Variants in SLC25A32 observed in about 807,000 individuals in gnomAD.
SLC25A32 encodes Glycine auxotroph B, complementation of hamster.
Under a neutral mutation model 39.0 loss-of-function variants are expected in SLC25A32, and 32 were observed. The observed-to-expected ratio is 0.82, with a 90% CI of 0.62 to 1.10. The LOEUF is 1.10. Among genes scored for constraint, SLC25A32 ranks in the 50% least tolerant of loss-of-function variants. SLC25A32 has a pLI of 0.00. For missense variants in SLC25A32, 367 were observed against 395.3 expected (o/e 0.93, Z 0.61); for synonymous variants, 166 against 152.4 (o/e 1.09, Z -0.66).
intron 1 of SLC25A32, among the ~76,000 whole-genome samples, chr8:103,410,622 G>A (rs575227902): frequency 7.3e-4 from 111 of 152,198 alleles, no homozygotes; most frequent in African/African-American, 2.6e-3. Flanking sequence ...GTGCCAAAAA[G>A]GTTAGGGACC....
At chr8:103,404,908 A>G (rs907923318) in intron 2 of SLC25A32, 47 bp from the exon 3 acceptor site, 1 of 1,360,638 alleles carries the variant, frequency 7.3e-7, no homozygotes, top group Non-Finnish European at 1.0e-6. Flanking sequence ...GGTGTCATTA[A>G]GTCTGTTTTA....
intron 4 of SLC25A32, chr8:103,402,346 T>TAA (rs979445620): frequency 1.5e-5 from 3 of 200,656 alleles, no homozygotes; most frequent in African/African-American, 6.9e-5. Flanking sequence ...AGTGGGAAAC[T>TAA]AAATTCTGGA....
chr8:103,401,558 A>G lies in SLC25A32; in HGVS notation c.770T>C (p.Met257Thr), dbSNP rs767017678. 6.2e-7 allele frequency: 1 copy of G among 1,613,822 alleles called. No individual in the cohort carries two copies. The highest frequency in any genetic ancestry group is 1.7e-5 in the Admixed American group (1 of 59,968). The change falls in exon 6 of 7, where the codon ATG becomes ACG. Residue 257 changes from methionine to threonine, a missense_variant. By Grantham distance (81) the Met-to-Thr change is moderately conservative. Coordinates refer to ENST00000297578, the MANE Select transcript of SLC25A32 (RefSeq NM_030780.5). Reference sequence around the variant, plus strand: ...TACATCTATTACACCACTGTAAAACATGTGTTGATCCTGAAGACGAGCTCT... The same window carrying G: ...TACATCTATTACACCACTGTAAAACGTGTGTTGATCCTGAAGACGAGCTCT... ...VVRARLQDQHMFYSGVIDVIT... is the reference protein window; with the variant it reads ...VVRARLQDQHTFYSGVIDVIT...
At chr8:103,411,650 C>T (rs532271514) in intron 1 of SLC25A32, among the ~76,000 whole-genome samples, 1 of 152,270 alleles carries the variant, frequency 6.6e-6, no homozygotes, top group Admixed American at 6.5e-5. Context: ...CCTTGGCCCC[C>T]TTTTCTCTGC....
chr8:103,401,715 A>G (rs1816223002), intron 5 of SLC25A32, 54 bp from the exon 6 acceptor site: 1 of 1,449,746 alleles, frequency 6.9e-7, no homozygotes. Context: ...CTTTAAAAAT[A>G]CAGAAGTAAA....
chr8:103,401,473 G>A (rs1186056303), intron 6 of SLC25A32, 43 bp downstream of exon 6: 2 of 1,584,862 alleles, frequency 1.3e-6, no homozygotes, highest in African/African-American at 2.7e-5. Context: ...AGATATGCAA[G>A]GTACCTTGTC....
chr8:103,410,989 T>C (rs1563720383), intron 1 of SLC25A32, among the ~76,000 whole-genome samples: 1 of 152,210 alleles, frequency 6.6e-6, no homozygotes. Context: ...GTGCTCTATA[T>C]TGGTGTTTTT....
chr8:103,406,763 CCT>C (rs1425591607), intron 2 of SLC25A32, among the ~76,000 whole-genome samples: 1 of 152,192 alleles, frequency 6.6e-6, no homozygotes, highest in Non-Finnish European at 1.5e-5. Context: ...TAAGGTCTAT[CCT>C]CTCTGTTTTT....
rs768292692 is a variant in SLC25A32, at chr8:103,414,981, G to A, written c.-44C>T. 29 of 1,581,536 alleles carry A rather than the reference G, an allele frequency of 1.8e-5. No homozygotes were observed. The highest frequency in any genetic ancestry group is 3.6e-5 in the Admixed American group (2 of 54,954). ...CACCACGGCGCCCAGGGCCGCGGAGGTGGGACGCGATGCAGTGGCCGCCAC... is the reference window on the plus strand; with the variant it reads ...CACCACGGCGCCCAGGGCCGCGGAGATGGGACGCGATGCAGTGGCCGCCAC... On this transcript the variant is annotated 5_prime_UTR_variant, in exon 1 of 7. Transcript: ENST00000297578.
At position 103,400,159 on chromosome 8, in the gene SLC25A32, T is replaced by C; in HGVS notation, c.*252A>G. ...AAACGTAGAAATCTGTGAAACTCTA[T>C]CCTTCGTGTCAGTTTTAACATTGTG... is the stretch of plus-strand genomic sequence containing the variant. On this transcript the variant is annotated 3_prime_UTR_variant, in exon 7 of 7. Transcript: ENST00000297578. 1 of 469,962 alleles carries C rather than the reference T, an allele frequency of 2.1e-6. No homozygotes were observed. Among genetic ancestry groups the C allele is most frequent in the Non-Finnish European group, 3.8e-6 (1 of 265,756 alleles). 29.1% of individuals were successfully genotyped at this position (469,962 alleles called of 1,614,324 possible). A position where few individuals can be genotyped will look rare whatever the true frequency, so the allele number is the denominator to read the frequency against.
chr8:103,413,424 T>G (rs1586119321), intron 1 of SLC25A32, among the ~76,000 whole-genome samples: 1 of 152,230 alleles, frequency 6.6e-6, no homozygotes, highest in East Asian at 1.9e-4. Context: ...TTAGATTACC[T>G]GGGTTTAAAT....
chr8:103,407,549 A>G (rs1816358292), intron 2 of SLC25A32, 85 bp downstream of exon 2: 3 of 1,122,368 alleles, frequency 2.7e-6, no homozygotes, highest in Non-Finnish European at 3.8e-6. Context: ...GACTCAACTT[A>G]TCATTTTACA....
At chr8:103,407,972 T>TATATAAATATATATATATAA (rs1217096724) in intron 1 of SLC25A32, among the ~76,000 whole-genome samples, 188 bp from the exon 2 acceptor site, 7 of 146,558 alleles carry the variant, frequency 4.8e-5, no homozygotes, top group African/African-American at 1.5e-4. Flanking sequence ...TATATATATA[T>TATATAAATATATATATATAA]AAATATGTAA....
chr8:103,401,602 T>C lies in SLC25A32; in HGVS notation c.726A>G (p.Thr242=). 1 of 1,613,712 alleles carries C rather than the reference T, an allele frequency of 6.2e-7. No individual in the cohort carries two copies. Among genetic ancestry groups the C allele is most frequent in the Non-Finnish European group, 8.5e-7 (1 of 1,179,704 alleles). The change falls in exon 6 of 7, where the codon ACA becomes ACG. Residue 242 remains threonine, a synonymous_variant. Coordinates refer to ENST00000297578, the MANE Select transcript of SLC25A32 (RefSeq NM_030780.5). ...ALSKIFAVAA[T]YPYQVVRARL... Reference sequence around the variant, plus strand: ...GAGCTCTTACGACTTGATATGGGTATGTTGCTGCGACAGCAAATATTTTGG... The same window carrying C: ...GAGCTCTTACGACTTGATATGGGTACGTTGCTGCGACAGCAAATATTTTGG...
In SLC25A32 at chr8:103,403,148, A is replaced by G; in HGVS notation, c.552+16T>C. On this transcript the variant is annotated intron_variant, in intron 4 of 6. Transcript: ENST00000297578. ...CAAATTTTTCAGTTATTTAAAATATATTGATAATTTGTTACCTTATATAAT... is the reference window on the plus strand; with the variant it reads ...CAAATTTTTCAGTTATTTAAAATATGTTGATAATTTGTTACCTTATATAAT... The G allele has an allele frequency of 2.0e-6, 3 of 1,529,742 alleles. No homozygotes were observed. Among genetic ancestry groups the G allele is most frequent in the Non-Finnish European group, 2.7e-6 (3 of 1,125,472 alleles). 94.8% of individuals were successfully genotyped at this position (1,529,742 alleles called of 1,614,324 possible).
intron 2 of SLC25A32, 32 bp downstream of exon 2, chr8:103,407,602 T>G (rs771323750): frequency 6.8e-7 from 1 of 1,469,200 alleles, no homozygotes; most frequent in Admixed American, 2.3e-5. Context: ...CCTTTTTAAT[T>G]TAATACTGTA....
At chr8:103,414,712 G>T (rs1390929247) in intron 1 of SLC25A32, 72 bp downstream of exon 1, 2 of 1,594,340 alleles carry the variant, frequency 1.3e-6, no homozygotes, top group African/African-American at 2.7e-5. Flanking sequence ...CCCCTAGAAC[G>T]GAAAAGACGG....
chr8:103,400,604 G>A (rs576317032), intron 6 of SLC25A32, 58 bp from the exon 7 acceptor site: 13 of 1,576,996 alleles, frequency 8.2e-6, no homozygotes, highest in African/African-American at 1.4e-5. Flanking sequence ...TGAAAACACG[G>A]AAGTTCTAAC....
Position 103,414,677 on chromosome 8 carries a change from AACGCT to A in SLC25A32, c.154+102_154+106del, listed in dbSNP as rs386728404. On this transcript the variant is annotated intron_variant, in intron 1 of 6. Transcript: ENST00000297578. The stretch of plus-strand genomic sequence containing the variant: ...GTTCAGGTTAGCCAACGCGGACAGC[AACGCT>A]CCCTTCAACGCTCCTCCTCCCCCTA... 48 of 465,886 alleles carry A rather than the reference AACGCT, an allele frequency of 1.0e-4. No homozygotes were observed. The East Asian group carries it at 2.6e-3, about 25-fold the overall frequency. The allele number at this position is 465,886 out of a possible 1,614,324, so 28.9% of individuals were successfully genotyped here.
Sources: allele counts gnomAD v4.1 joint callset (sites outside exome capture counted in the v4.1 genomes callset), GRCh38; gene constraint gnomAD v4.1.1; transcripts MANE v1.5; gene names NCBI Gene and HGNC (gene_info 2026-07-23, HGNC 2026-07-21).